HOXD3: variants seen among roughly 807,000 people sequenced by gnomAD.
HOXD3 encodes the protein homeobox protein Hox-D3.
HOXD3 carries 13 observed loss-of-function variants against 32.8 expected under a neutral mutation model. The observed-to-expected ratio is 0.40, with a 90% CI of 0.26 to 0.63. The LOEUF is 0.63. HOXD3 is among the 20% of genes least tolerant of loss of function. The pLI, the probability that HOXD3 is intolerant of heterozygous loss-of-function variation, is 0.44. For synonymous variants in HOXD3, 241 were observed against 246.8 expected, an observed-to-expected ratio of 0.98 and a Z score of 0.22; for missense variants, 504 against 577.1, an observed-to-expected ratio of 0.87 and a Z score of 1.30.
chr2:176,156,295 G>T (rs370907787), upstream of HOXD3, among the ~76,000 whole-genome samples: 1 of 152,194 alleles, frequency 6.6e-6, no homozygotes, highest in Non-Finnish European at 1.5e-5. Flanking sequence ...CATATTTTGT[G>T]AGCATTGGGA....
rs1690671593 is a variant in HOXD3 at position 176,157,405 on chromosome 2, C to A, written c.-228C>A. Reference sequence around the variant, plus strand: ...CGTCCAGGGGGGCCGCGCGGTGCCCCCGGCCCTCCACCCCCGGCCCCCGGC... The same window carrying A: ...CGTCCAGGGGGGCCGCGCGGTGCCCACGGCCCTCCACCCCCGGCCCCCGGC... On this transcript the variant is annotated 5_prime_UTR_variant, in exon 1 of 4. Coordinates refer to ENST00000683222, the MANE Select transcript of HOXD3 (RefSeq NM_006898.5). Among the ~76,000 whole-genome samples the A allele has an allele frequency of 6.6e-6, 1 of 152,144 alleles. No homozygotes were observed. The highest frequency in any genetic ancestry group is 2.1e-4 in the South Asian group (1 of 4,828).
At position 176,171,755 on chromosome 2, in the gene HOXD3, C is replaced by T. The variant is rs147174389; in HGVS notation, c.780C>T (p.His260=). Residue 260 remains histidine, a synonymous_variant, in exon 4 of 4, where the codon CAC becomes CAT. Coordinates refer to ENST00000683222, the MANE Select transcript of HOXD3 (RefSeq NM_006898.5). ...KKDQKAKGIL[H]SPASQSPERS... is the part of the protein sequence containing the mutation. ...ACCAGAAGGCCAAGGGCATCCTGCA[C>T]TCGCCGGCTAGCCAGTCCCCTGAGC... is the stretch of plus-strand genomic sequence containing the variant. The T allele has an allele frequency of 1.6e-4, 265 of 1,614,002 alleles. No individual in the cohort carries two copies. The African/African-American group carries it at 2.5e-3, about 15-fold the overall frequency.
chr2:176,170,767 G>A (rs530852262), intron 3 of HOXD3, among the ~76,000 whole-genome samples: 1 of 152,198 alleles, frequency 6.6e-6, no homozygotes, highest in South Asian at 2.1e-4. Flanking sequence ...GTCTTCCCTG[G>A]GAGGGAGTGG....
upstream of HOXD3, chr2:176,152,552 G>A (rs561883993): frequency 1.1e-4 from 163 of 1,433,636 alleles, 1 homozygote; most frequent in South Asian, 6.3e-4. The surrounding 1 kb of genome is among the most constrained non-coding windows in gnomAD (Gnocchi z 5.2). Context: ...CGGAGGCGAG[G>A]GGCCTAACTA....
chr2:176,152,819 G>T, upstream of HOXD3: 1 of 1,614,216 alleles, frequency 6.2e-7, no homozygotes, highest in South Asian at 1.1e-5. This position sits in a 1 kb window ranked among gnomAD's most constrained non-coding sequence, Gnocchi z 5.2. Flanking sequence ...ATCATAAGCT[G>T]CCCAACACTA....
chr2:176,153,264 T>C (rs898219028), upstream of HOXD3: 6 of 371,214 alleles, frequency 1.6e-5, no homozygotes, highest in Admixed American at 2.6e-4. Flanking sequence ...GAAGGTTGGA[T>C]GCTTTATCCC....
upstream of HOXD3, chr2:176,153,120 C>CTGG: frequency 5.4e-6 from 2 of 367,750 alleles, no homozygotes; most frequent in East Asian, 1.5e-4. Flanking sequence ...CTCCCTAGAG[C>CTGG]GGGATGGGGA....
intron 1 of HOXD3, among the ~76,000 whole-genome samples, chr2:176,159,664 C>T (rs1402810994): frequency 2.0e-5 from 3 of 152,226 alleles, no homozygotes; most frequent in African/African-American, 7.2e-5. Flanking sequence ...TCCCACATTG[C>T]AGAATCATTC....
intron 2 of HOXD3, among the ~76,000 whole-genome samples, chr2:176,166,297 C>T (rs961109761): frequency 6.6e-6 from 1 of 152,162 alleles, no homozygotes; most frequent in African/African-American, 2.4e-5. Flanking sequence ...CTGGTCAGTT[C>T]CTAAGTAAGC....
intron 2 of HOXD3, among the ~76,000 whole-genome samples, chr2:176,168,321 C>T (rs1210877376): frequency 1.3e-5 from 2 of 150,920 alleles, no homozygotes; most frequent in African/African-American, 4.9e-5. Flanking sequence ...AATCCCAGCA[C>T]TTAGGGAGGC....
At chr2:176,162,669 C>T (rs1380579355) in intron 1 of HOXD3, among the ~76,000 whole-genome samples, 2 of 152,146 alleles carry the variant, frequency 1.3e-5, no homozygotes, top group African/African-American at 4.8e-5. Context: ...CTTTCTTCTT[C>T]CCAAGCCTCT....
rs1486249147 is a variant in HOXD3, at chr2:176,158,797, T to C, written c.-181+1345T>C. Among the ~76,000 whole-genome samples, 3 of 152,120 alleles carry C rather than the reference T, an allele frequency of 2.0e-5. No individual in the cohort carries two copies. The South Asian group carries it at 6.2e-4, about 32-fold the overall frequency. Reference sequence around the variant, plus strand: ...TCTGAGCTGCTTGCATTTTTCTCAATGAGAATCGTCTCCCCTCCCACCCCC... The same window carrying C: ...TCTGAGCTGCTTGCATTTTTCTCAACGAGAATCGTCTCCCCTCCCACCCCC... On this transcript the variant is annotated intron_variant, in intron 1 of 3. Transcript: ENST00000683222.
Position 176,171,416 on chromosome 2 carries a change from G to A in HOXD3, c.542-101G>A, listed in dbSNP as rs1691175350. The A allele has an allele frequency of 3.7e-6, 4 of 1,086,924 alleles. No individual in the cohort carries two copies. In the Admixed American group the frequency reaches 8.6e-5, roughly 23 times the overall value. 67.3% of individuals were successfully genotyped at this position (1,086,924 alleles called of 1,614,324 possible). Reference sequence around the variant, plus strand: ...CCTCCCCAGCCAGGATTGGAGGTGGGGGGAGGGAGGAGGAAAAGAGAACCA... The same window carrying A: ...CCTCCCCAGCCAGGATTGGAGGTGGAGGGAGGGAGGAGGAAAAGAGAACCA... On this transcript the variant is annotated intron_variant, in intron 3 of 3. Transcript: ENST00000683222.
At position 176,171,781 on chromosome 2, in the gene HOXD3, G is replaced by A; in HGVS notation, c.806G>A (p.Arg269His). The A allele has an allele frequency of 6.2e-7, 1 of 1,613,676 alleles. No individual in the cohort carries two copies. Among genetic ancestry groups the A allele is most frequent in the Non-Finnish European group, 8.5e-7 (1 of 1,179,816 alleles). Residue 269 changes from arginine (R) to histidine (H), a missense_variant, in exon 4 of 4, where the codon CGC becomes CAC. Physicochemically the swap from Arg to His is conservative, Grantham distance 29. Coordinates refer to ENST00000683222, the MANE Select transcript of HOXD3 (RefSeq NM_006898.5). ...TCGCCGGCTAGCCAGTCCCCTGAGC[G>A]CAGCCCACCGCTCGGCGGCGCCGCT... ...LHSPASQSPE[R>H]SPPLGGAAGH...
chr2:176,162,632 A>T (rs772996434), intron 1 of HOXD3, among the ~76,000 whole-genome samples: 8 of 152,140 alleles, frequency 5.3e-5, no homozygotes, highest in Admixed American at 5.2e-4. Flanking sequence ...TGGTGGTCCA[A>T]CTTTGGTTAA....
At chr2:176,152,531 G>C (rs1690560720), upstream of HOXD3, 3 of 1,277,046 alleles carry the variant, frequency 2.3e-6, no homozygotes, top group Non-Finnish European at 2.3e-6. The surrounding 1 kb of genome is among the most constrained non-coding windows in gnomAD (Gnocchi z 5.2). Flanking sequence ...GGCGCGCCAG[G>C]AAGTGAGCGG....
Position 176,169,349 on chromosome 2 carries a change from C to A in HOXD3, c.235C>A (p.Pro79Thr), listed in dbSNP as rs772133632. The A allele has an allele frequency of 3.1e-6, 5 of 1,613,954 alleles. No homozygotes were observed. In the East Asian group the frequency reaches 1.1e-4, roughly 36 times the overall value. The change falls in exon 3 of 4, where the codon CCA becomes ACA. Residue 79 changes from proline (P) to threonine (T), a missense_variant. This residue lies in a region of HOXD3 where 181 missense variants were observed against 172.2 expected (regional missense o/e 1.05). Coordinates refer to ENST00000683222, the MANE Select transcript of HOXD3 (RefSeq NM_006898.5). Reference sequence around the variant, plus strand: ...CCAGAGCTCTGCCCCTCTGAGAGCCCCAGCCCACAAAGGAGCTGAACTCAA... The same window carrying A: ...CCAGAGCTCTGCCCCTCTGAGAGCCACAGCCCACAAAGGAGCTGAACTCAA... ...SIQSSAPLRAPAHKGAELNGS... is the reference protein window; with the variant it reads ...SIQSSAPLRATAHKGAELNGS...
upstream of HOXD3, among the ~76,000 whole-genome samples, chr2:176,155,295 A>C (rs79359721): frequency 4.6e-5 from 7 of 152,168 alleles, no homozygotes; most frequent in Non-Finnish European, 2.9e-5. Context: ...CCCCCACCTC[A>C]GAAGTTCAGG....
chr2:176,172,350 G>A lies in HOXD3; in HGVS notation c.*76G>A. On this transcript the variant is annotated 3_prime_UTR_variant, in exon 4 of 4. Coordinates refer to ENST00000683222, the MANE Select transcript of HOXD3 (RefSeq NM_006898.5). The stretch of plus-strand genomic sequence containing the variant: ...GGTGGGGTAGAGGGTGGGGCCCGCG[G>A]GGCAGTTCGGGAACCCCCTTCCCCG... The A allele has an allele frequency of 7.3e-7, 1 of 1,375,124 alleles. No individual in the cohort carries two copies. Among genetic ancestry groups the A allele is most frequent in the East Asian group, 2.4e-5 (1 of 41,328 alleles). The allele number at this position is 1,375,124 out of a possible 1,614,324, so 85.2% of individuals were successfully genotyped here.
Sources: gnomAD v4.1 joint callset for allele counts (sites outside exome capture counted in the v4.1 genomes callset) on GRCh38, gnomAD v4.1.1 for gene constraint, gnomAD v4.1.1 regional missense constraint, Gnocchi (gnomAD v3.1) non-coding constraint, MANE v1.5 for transcripts, NCBI Gene and HGNC (gene_info 2026-07-23, HGNC 2026-07-21) for gene names.